GBE1: variants seen among roughly 807,000 people sequenced by gnomAD.
GBE1 encodes the protein 1,4-alpha-glucan-branching enzyme.
Under a neutral mutation model 88.8 loss-of-function variants are expected in GBE1, and 70 were observed. That is an observed-to-expected ratio of 0.79 (90% CI 0.65 to 0.96). The LOEUF is 0.96. Among genes scored for constraint, GBE1 ranks in the 40% least tolerant of loss-of-function variants. The pLI is 0.00. For synonymous variants in GBE1, 284 were observed against 300.1 expected (o/e 0.95, Z 0.56); for missense variants, 872 against 871.0 (o/e 1.00, Z -0.01).
At chr3:81,541,143 C>T (rs1460734861) in intron 12 of GBE1, among the ~76,000 whole-genome samples, 1 of 151,872 alleles carries the variant, frequency 6.6e-6, no homozygotes, top group Admixed American at 6.6e-5. Context: ...GTTTTGCTTG[C>T]TGTTAGTATC....
At chr3:81,612,210 C>G (rs1704190355) in intron 7 of GBE1, 1 of 365,498 alleles carries the variant, frequency 2.7e-6, no homozygotes, top group South Asian at 2.8e-5. Context: ...GTGTTAAATC[C>G]ACGCTCCTTT....
chr3:81,577,865 T>C, intron 12 of GBE1, 60 bp downstream of exon 12: 1 of 1,334,768 alleles, frequency 7.5e-7, no homozygotes, highest in Non-Finnish European at 1.0e-6. Flanking sequence ...CTACATGATT[T>C]ATGTCATTAT....
intron 1 of GBE1, among the ~76,000 whole-genome samples, chr3:81,750,601 GTGTATATATATATA>G (rs1706498642): frequency 1.4e-4 from 5 of 35,796 alleles, no homozygotes; most frequent in South Asian, 7.0e-4. Flanking sequence ...ATATATATAT[GTGTATATATATATA>G]TGTATATATA....
chr3:81,602,217 C>T (rs1049346993), intron 7 of GBE1, among the ~76,000 whole-genome samples: 1 of 152,100 alleles, frequency 6.6e-6, no homozygotes, highest in African/African-American at 2.4e-5. Context: ...CCGAAAAGCC[C>T]TCAATCCACT....
At chr3:81,584,788 CAG>C (rs1399267116) in intron 10 of GBE1, among the ~76,000 whole-genome samples, 1 of 151,276 alleles carries the variant, frequency 6.6e-6, no homozygotes, top group Non-Finnish European at 1.5e-5. Context: ...CATGAATACT[CAG>C]AGAGAAAATA....
At chr3:81,560,327 A>G (rs1302858540) in intron 12 of GBE1, among the ~76,000 whole-genome samples, 1 of 152,030 alleles carries the variant, frequency 6.6e-6, no homozygotes, top group African/African-American at 2.4e-5. Flanking sequence ...GTTTCTTACT[A>G]AACTATAAAA....
intron 7 of GBE1, among the ~76,000 whole-genome samples, chr3:81,602,861 T>G (rs2106972312): frequency 6.6e-6 from 1 of 152,322 alleles, no homozygotes; most frequent in Non-Finnish European, 1.5e-5. Context: ...AAAATACTTT[T>G]GAGACAGTCT....
At chr3:81,743,416 GCA>G (rs1706378021) in intron 1 of GBE1, 1 of 573,446 alleles carries the variant, frequency 1.7e-6, no homozygotes, top group Admixed American at 3.2e-5. Context: ...AAGACACAAG[GCA>G]CACACACAAT....
chr3:81,578,760 C>T (rs1365709953), intron 11 of GBE1, among the ~76,000 whole-genome samples: 1 of 151,880 alleles, frequency 6.6e-6, no homozygotes, highest in African/African-American at 2.4e-5. Context: ...TCCTAAAAAT[C>T]TGAATTATTT....
intron 12 of GBE1, among the ~76,000 whole-genome samples, chr3:81,562,406 C>A (rs1703432942): frequency 6.6e-6 from 1 of 151,990 alleles, no homozygotes; most frequent in Non-Finnish European, 1.5e-5. Flanking sequence ...CATTTTTGGG[C>A]AAAATAATAC....
At chr3:81,563,386 C>T (rs1024466543) in intron 12 of GBE1, among the ~76,000 whole-genome samples, 1 of 152,042 alleles carries the variant, frequency 6.6e-6, no homozygotes, top group African/African-American at 2.4e-5. Context: ...TACCATGGTA[C>T]TCTGTAGAGT....
At chr3:81,567,999 G>A (rs1313690004) in intron 12 of GBE1, among the ~76,000 whole-genome samples, 1 of 152,120 alleles carries the variant, frequency 6.6e-6, no homozygotes, top group Non-Finnish European at 1.5e-5. Flanking sequence ...AGTGACACTA[G>A]TCTCCTTTAA....
intron 3 of GBE1, among the ~76,000 whole-genome samples, chr3:81,661,798 A>T (rs1400176878): frequency 1.3e-5 from 2 of 152,134 alleles, no homozygotes; most frequent in East Asian, 3.8e-4. Flanking sequence ...ATAGATCTTT[A>T]TTTTTAAAAA....
At chr3:81,609,261 T>A (rs1338013471) in intron 7 of GBE1, among the ~76,000 whole-genome samples, 3 of 152,148 alleles carry the variant, frequency 2.0e-5, no homozygotes, top group Admixed American at 2.0e-4. Flanking sequence ...CGTGGCCAAT[T>A]TTGGGATGAC....
At chr3:81,494,857 T>C (rs1051040304) in intron 15 of GBE1, among the ~76,000 whole-genome samples, 1 of 152,196 alleles carries the variant, frequency 6.6e-6, no homozygotes, top group African/African-American at 2.4e-5. Context: ...AATGCTCTAT[T>C]TTATGTCATT....
chr3:81,621,007 AG>A (rs1704324696), intron 7 of GBE1, among the ~76,000 whole-genome samples: 1 of 152,204 alleles, frequency 6.6e-6, no homozygotes, highest in African/African-American at 2.4e-5. Flanking sequence ...CTCAGCAAGA[AG>A]GACCTCACGG....
intron 14 of GBE1, among the ~76,000 whole-genome samples, chr3:81,499,711 G>C (rs967517108): frequency 6.6e-6 from 1 of 152,094 alleles, no homozygotes; most frequent in Non-Finnish European, 1.5e-5. Context: ...TGTGGATTTT[G>C]CATCTGTGAA....
At chr3:81,509,312 A>G (rs200540803) in intron 14 of GBE1, among the ~76,000 whole-genome samples, 6 of 105,994 alleles carry the variant, frequency 5.7e-5, no homozygotes, top group African/African-American at 2.1e-4. Context: ...TTTTTTTTTT[A>G]TAAAAAAGAA....
intron 7 of GBE1, among the ~76,000 whole-genome samples, chr3:81,605,704 G>A (rs1423895700): frequency 6.6e-6 from 1 of 152,038 alleles, no homozygotes; most frequent in Non-Finnish European, 1.5e-5. Flanking sequence ...TTTTTGTACA[G>A]AGCTAGAAAA....
Sources: allele counts gnomAD v4.1 joint callset (sites outside exome capture counted in the v4.1 genomes callset), GRCh38; gene constraint gnomAD v4.1.1; transcripts MANE v1.5; gene names NCBI Gene and HGNC (gene_info 2026-07-23, HGNC 2026-07-21).